The following DAAM1 variants were observed in gnomAD, a reference collection of about 807,000 sequenced individuals.
The protein encoded by DAAM1 is dishevelled associated activator of morphogenesis 1, also known as disheveled-associated activator of morphogenesis 1.
Under a neutral mutation model 130.0 loss-of-function variants are expected in DAAM1, and 52 were observed. That is an observed-to-expected ratio of 0.40 (90% CI 0.32 to 0.50). The LOEUF (loss-of-function observed/expected upper bound fraction) is 0.50, where lower values mean the gene tolerates loss of function less well. DAAM1 is among the 20% of genes least tolerant of loss of function. The pLI, the probability that DAAM1 is intolerant of heterozygous loss-of-function variation, is 0.61. For missense variants in DAAM1, 1,134 were observed against 1,303.8 expected (o/e 0.87, Z 2.01); for synonymous variants, 452 against 444.5 (o/e 1.02, Z -0.21).
At chr14:59,292,415 T>C (rs561871890) in intron 3 of DAAM1, among the ~76,000 whole-genome samples, 2 of 152,304 alleles carry the variant, frequency 1.3e-5, no homozygotes, top group East Asian at 3.9e-4. Flanking sequence ...TCTTGTGTAA[T>C]TGCCCTGTGC....
At chr14:59,346,443 A>G (rs1262029140) in intron 16 of DAAM1, among the ~76,000 whole-genome samples, 1 of 152,204 alleles carries the variant, frequency 6.6e-6, no homozygotes, top group Non-Finnish European at 1.5e-5. Context: ...ACGCCACATT[A>G]GTTATAGGTT....
At chr14:59,292,471 C>T (rs1478792289) in intron 3 of DAAM1, among the ~76,000 whole-genome samples, 1 of 152,134 alleles carries the variant, frequency 6.6e-6, no homozygotes, top group Admixed American at 6.5e-5. Context: ...GGGACTCTCT[C>T]TAGCAGTGAG....
At position 59,353,855 on chromosome 14, in the gene DAAM1, A is replaced by T. The variant is rs1170771415; in HGVS notation, c.2268-21A>T. Reference sequence around the variant, plus strand: ...TAGATATATTAAATGAATATCAATTAGTACATGTTTGCTCTTACAGAATTA... The same window carrying T: ...TAGATATATTAAATGAATATCAATTTGTACATGTTTGCTCTTACAGAATTA... On this transcript the variant is annotated intron_variant, in intron 18 of 24. Transcript: ENST00000360909. 3 of 1,608,738 alleles carry T rather than the reference A, an allele frequency of 1.9e-6. No individual in the cohort carries two copies. In the African/African-American group the frequency reaches 4.0e-5, roughly 22 times the overall value.
chr14:59,317,026 C>CT (rs960425330), intron 4 of DAAM1, among the ~76,000 whole-genome samples: 28 of 152,316 alleles, frequency 1.8e-4, no homozygotes, highest in African/African-American at 5.1e-4. Context: ...TGTGGCCCTT[C>CT]TTTAAGGGCC....
chr14:59,363,844 T>G, intron 23 of DAAM1, 62 bp downstream of exon 23: 2 of 1,600,418 alleles, frequency 1.2e-6, no homozygotes, highest in Non-Finnish European at 1.7e-6. Flanking sequence ...TGTGATACTT[T>G]CAGTTATTAT....
At chr14:59,271,748 G>A (rs940826030) in intron 2 of DAAM1, among the ~76,000 whole-genome samples, 4 of 152,120 alleles carry the variant, frequency 2.6e-5, no homozygotes. Flanking sequence ...TCTTATGACC[G>A]AGGCTTATTT....
chr14:59,235,006 G>A (rs1009574141), intron 1 of DAAM1, among the ~76,000 whole-genome samples: 1 of 152,142 alleles, frequency 6.6e-6, no homozygotes, highest in African/African-American at 2.4e-5. Flanking sequence ...CTTGATCACG[G>A]TGGATAAGCT....
At chr14:59,272,779 C>T (rs888251899) in intron 2 of DAAM1, among the ~76,000 whole-genome samples, 1 of 152,016 alleles carries the variant, frequency 6.6e-6, no homozygotes, top group African/African-American at 2.4e-5. Flanking sequence ...CAATATATCA[C>T]AAAGAATAGT....
intron 20 of DAAM1, 58 bp from the exon 21 acceptor site, chr14:59,359,339 A>G: frequency 1.6e-6 from 2 of 1,221,596 alleles, no homozygotes; most frequent in Non-Finnish European, 2.4e-6. Context: ...TCATATATTT[A>G]TGTAGTTTAA....
At chr14:59,367,314 G>A in intron 23 of DAAM1, 115 bp from the exon 24 acceptor site, 3 of 1,444,888 alleles carry the variant, frequency 2.1e-6, no homozygotes, top group Non-Finnish European at 2.7e-6. Context: ...AAAAATAAAT[G>A]AGCAAACAAA....
intron 15 of DAAM1, chr14:59,338,494 GTTTTGTTTTTGT>G: frequency 2.0e-6 from 3 of 1,530,020 alleles, no homozygotes; most frequent in Non-Finnish European, 1.8e-6. Context: ...GTTATCCAGG[GTTTTGTTTTTGT>G]TTTTGTTTTT....
chr14:59,197,142 G>A (rs150974551), intron 1 of DAAM1, among the ~76,000 whole-genome samples: 1,528 of 152,270 alleles, frequency 0.01, 28 homozygotes, highest in African/African-American at 0.034. Context: ...GGATGGTCTC[G>A]ATCTCCTGAC....
At chr14:59,315,895 C>G (rs1197342220) in intron 4 of DAAM1, among the ~76,000 whole-genome samples, 2 of 152,110 alleles carry the variant, frequency 1.3e-5, no homozygotes, top group East Asian at 3.8e-4. Flanking sequence ...GCTGAGATGT[C>G]CTCGGAAAAT....
intron 1 of DAAM1, among the ~76,000 whole-genome samples, chr14:59,236,606 C>T (rs1889309050): frequency 6.6e-6 from 1 of 152,068 alleles, no homozygotes. Flanking sequence ...ATCACTCTTC[C>T]TTTAGCATCT....
At chr14:59,263,091 A>G (rs1449136281) in intron 1 of DAAM1, among the ~76,000 whole-genome samples, 1 of 152,244 alleles carries the variant, frequency 6.6e-6, no homozygotes, top group African/African-American at 2.4e-5. Context: ...AGAGAAGGTC[A>G]GTCTTCCAAG....
intron 1 of DAAM1, among the ~76,000 whole-genome samples, chr14:59,248,343 G>GTT (rs1373881433): frequency 7.6e-6 from 1 of 131,802 alleles, no homozygotes; most frequent in Non-Finnish European, 1.8e-5. Flanking sequence ...GTTTTGTTTT[G>GTT]TTTTGTTTTG....
At chr14:59,191,973 G>A (rs1017216556) in intron 1 of DAAM1, among the ~76,000 whole-genome samples, 4 of 152,320 alleles carry the variant, frequency 2.6e-5, no homozygotes, top group Non-Finnish European at 4.4e-5. Flanking sequence ...CCATCCAGTA[G>A]TCTGATTCTG....
intron 1 of DAAM1, among the ~76,000 whole-genome samples, chr14:59,218,533 A>T (rs1323476811): frequency 6.6e-6 from 1 of 152,274 alleles, no homozygotes; most frequent in African/African-American, 2.4e-5. Flanking sequence ...AATGCAAGTT[A>T]AATAATCTGA....
intron 1 of DAAM1, among the ~76,000 whole-genome samples, chr14:59,239,092 G>C (rs1049697329): frequency 6.6e-6 from 1 of 152,180 alleles, no homozygotes. Flanking sequence ...CTGATTGCCT[G>C]TGCCTCTCTC....
Sources: allele counts gnomAD v4.1 joint callset (sites outside exome capture counted in the v4.1 genomes callset), GRCh38; gene constraint gnomAD v4.1.1; transcripts MANE v1.5; gene names NCBI Gene and HGNC (gene_info 2026-07-23, HGNC 2026-07-21).